The following MSI2 variants were observed in gnomAD, a reference collection of about 807,000 sequenced individuals.
MSI2 encodes musashi RNA binding protein 2.
Under a neutral mutation model 45.6 loss-of-function variants are expected in MSI2, and 17 were observed. That is an observed-to-expected ratio of 0.37 (90% CI 0.26 to 0.56). MSI2 has a LOEUF of 0.56. MSI2 is among the 20% of genes least tolerant of loss of function. MSI2 has a pLI of 0.77. For synonymous variants in MSI2, 156 were observed against 158.2 expected (o/e 0.99, Z 0.11); for missense variants, 293 against 444.2 (o/e 0.66, Z 3.06).
At chr17:57,300,725 A>G (rs1428571276) in intron 5 of MSI2, among the ~76,000 whole-genome samples, 3 of 152,212 alleles carry the variant, frequency 2.0e-5, no homozygotes, top group Non-Finnish European at 2.9e-5. Context: ...ATCATGGTGG[A>G]AGGCGACAGT....
chr17:57,400,718 G>C (rs1004463583), intron 5 of MSI2, among the ~76,000 whole-genome samples: 1 of 152,074 alleles, frequency 6.6e-6, no homozygotes, highest in Non-Finnish European at 1.5e-5. Flanking sequence ...ACTTGCCGTA[G>C]TTAGGTTCAG....
chr17:57,681,045 G>C lies in MSI2; in HGVS notation c.*1528G>C, dbSNP rs755833396. 4.3e-5 allele frequency: 8 copies of C among 185,064 alleles called. No individual in the cohort carries two copies. Among genetic ancestry groups the C allele is most frequent in the Admixed American group, 1.9e-4 (3 of 16,086 alleles). 11.5% of individuals were successfully genotyped at this position (185,064 alleles called of 1,614,324 possible). ...CCTCAGTGCTGCAAGTATCACCAGA[G>C]AGGCTATGGAAGAATTTTTTTTTAA... On this transcript the variant is annotated 3_prime_UTR_variant, in exon 14 of 14. Coordinates refer to ENST00000284073, the MANE Select transcript of MSI2 (RefSeq NM_138962.4).
chr17:57,693,336 C>T, the MSI2 span, among the ~76,000 whole-genome samples: 3,648 of 152,124 alleles, frequency 0.024, 110 homozygotes, highest in African/African-American at 0.081. Context: ...GTGTGTGCAC[C>T]ACACCTGGCG....
chr17:57,474,584 G>A (rs1236634897), intron 6 of MSI2, among the ~76,000 whole-genome samples: 1 of 152,180 alleles, frequency 6.6e-6, no homozygotes, highest in Non-Finnish European at 1.5e-5. Flanking sequence ...CCCCTGGAAA[G>A]CAAAATTGCC....
At chr17:57,346,365 T>C (rs1388552661) in intron 5 of MSI2, among the ~76,000 whole-genome samples, 2 of 150,008 alleles carry the variant, frequency 1.3e-5, no homozygotes, top group African/African-American at 4.9e-5. Flanking sequence ...GGGGGTCTGA[T>C]TTTTTTCTTA....
At chr17:57,567,147 G>A (rs927994654) in intron 7 of MSI2, among the ~76,000 whole-genome samples, 7 of 152,112 alleles carry the variant, frequency 4.6e-5, no homozygotes, top group Admixed American at 6.5e-5. Context: ...TTTTGTTTCC[G>A]TTTAAAACAT....
At chr17:57,550,860 G>T (rs886608046) in intron 7 of MSI2, among the ~76,000 whole-genome samples, 6 of 152,164 alleles carry the variant, frequency 3.9e-5, no homozygotes, top group African/African-American at 1.4e-4. Flanking sequence ...GTCTGCATTC[G>T]AGAGTGTTCT....
At chr17:57,536,029 G>A (rs2086912775) in intron 7 of MSI2, among the ~76,000 whole-genome samples, 1 of 151,878 alleles carries the variant, frequency 6.6e-6, no homozygotes, top group Admixed American at 6.6e-5. Flanking sequence ...ACTCTTTTAT[G>A]TACGATGTAT....
intron 5 of MSI2, among the ~76,000 whole-genome samples, chr17:57,358,946 T>C (rs561882194): frequency 1.3e-5 from 2 of 152,242 alleles, no homozygotes; most frequent in East Asian, 3.9e-4. Flanking sequence ...CCTTATACTT[T>C]GCGATTGGTT....
chr17:57,521,360 G>T (rs1237178016), intron 6 of MSI2, among the ~76,000 whole-genome samples: 1 of 152,142 alleles, frequency 6.6e-6, no homozygotes, highest in East Asian at 1.9e-4. Context: ...TTTCTCGTGG[G>T]GTTATTGTGA....
At chr17:57,632,471 C>T in intron 10 of MSI2, 1 of 1,066,110 alleles carries the variant, frequency 9.4e-7, no homozygotes, top group Non-Finnish European at 1.1e-6. Context: ...GGTGCTGCCA[C>T]ATGACAGGCA....
Position 57,613,442 on chromosome 17 carries a change from A to G in MSI2, c.538-2528A>G, listed in dbSNP as rs538338272. Among the ~76,000 whole-genome samples the G allele has an allele frequency of 2.6e-5, 4 of 152,322 alleles. No homozygotes were observed. The East Asian group carries it at 7.7e-4, about 29-fold the overall frequency. ...AGCATTCAATCAGTGTGGATAATCC[A>G]AACTCAGCTAATTCCCTGTTCTTCT... On this transcript the variant is annotated intron_variant, in intron 8 of 13. Transcript: ENST00000284073.
At chr17:57,638,039 G>T (rs1370209307) in intron 10 of MSI2, among the ~76,000 whole-genome samples, 1 of 152,212 alleles carries the variant, frequency 6.6e-6, no homozygotes, top group African/African-American at 2.4e-5. Context: ...GTGAAAGGCT[G>T]CAACTTAAAA....
At chr17:57,605,874 G>A (rs565560166) in intron 8 of MSI2, among the ~76,000 whole-genome samples, 3 of 152,338 alleles carry the variant, frequency 2.0e-5, no homozygotes, top group South Asian at 2.1e-4. Context: ...CCAGCCCACC[G>A]TGCCCTGGGG....
Position 57,677,019 on chromosome 17 carries a change from A to C in MSI2, c.978A>C (p.Gly326=). 1 of 1,613,920 alleles carries C rather than the reference A, an allele frequency of 6.2e-7. No homozygotes were observed. Among genetic ancestry groups the C allele is most frequent in the Non-Finnish European group, 8.5e-7 (1 of 1,179,790 alleles). Reference sequence around the variant, plus strand: ...TGATTGCAACGGCCTTTACAAATGGATACCATTGAGCAGGTGCTTTCGTTG... The same window carrying C: ...TGATTGCAACGGCCTTTACAAATGGCTACCATTGAGCAGGTGCTTTCGTTG... ...GPLIATAFTN[G]YH The change falls in exon 13 of 14, where the codon GGA becomes GGC. Residue 326 remains glycine (G), a synonymous_variant. Transcript: ENST00000284073.
intron 8 of MSI2, among the ~76,000 whole-genome samples, chr17:57,599,044 C>T (rs974525869): frequency 6.6e-6 from 1 of 152,202 alleles, no homozygotes; most frequent in African/African-American, 2.4e-5. Flanking sequence ...TTTATCCTAG[C>T]CAGAGCACGC....
intron 11 of MSI2, among the ~76,000 whole-genome samples, chr17:57,668,129 G>A (rs1254767639): frequency 6.6e-6 from 1 of 152,230 alleles, no homozygotes; most frequent in Non-Finnish European, 1.5e-5. Flanking sequence ...AACCCAGGAG[G>A]CAGAGGTTGC....
intron 6 of MSI2, among the ~76,000 whole-genome samples, chr17:57,451,140 T>C (rs2143550196): frequency 6.6e-6 from 1 of 152,288 alleles, no homozygotes; most frequent in Non-Finnish European, 1.5e-5. Context: ...GAGTACCAGA[T>C]ACTGTGGCTG....
chr17:57,687,006 C>A (rs1034812399), downstream of MSI2, among the ~76,000 whole-genome samples: 1 of 45,138 alleles, frequency 2.2e-5, no homozygotes, highest in African/African-American at 6.8e-5. Context: ...TGGCCAGCAG[C>A]CCCCCCCCCA....
Sources: allele counts gnomAD v4.1 joint callset (sites outside exome capture counted in the v4.1 genomes callset), GRCh38; gene constraint gnomAD v4.1.1; transcripts MANE v1.5; gene names NCBI Gene and HGNC (gene_info 2026-07-23, HGNC 2026-07-21).